Variants in KREMEN1 observed in about 807,000 individuals in gnomAD.
KREMEN1 encodes kringle containing transmembrane protein 1, also known as kremen protein 1.
KREMEN1 carries 30 observed loss-of-function variants against 46.5 expected under a neutral mutation model. The observed-to-expected ratio is 0.65, with a 90% CI of 0.48 to 0.88. The LOEUF is 0.88. Ranked by LOEUF, KREMEN1 falls within the 40% of genes least tolerant of loss-of-function variation. The pLI is 0.00. For missense variants in KREMEN1, 533 were observed against 596.9 expected (o/e 0.89, Z 1.11); for synonymous variants, 214 against 230.6 (o/e 0.93, Z 0.65).
chr22:29,113,226 A>G (rs942624701), intron 3 of KREMEN1, among the ~76,000 whole-genome samples: 1 of 152,236 alleles, frequency 6.6e-6, no homozygotes, highest in Non-Finnish European at 1.5e-5. Flanking sequence ...TAACCTTGTT[A>G]GACTGGTTTC....
At chr22:29,148,529 C>G (rs2038890008), downstream of KREMEN1, among the ~76,000 whole-genome samples, 1 of 151,838 alleles carries the variant, frequency 6.6e-6, no homozygotes, top group African/African-American at 2.4e-5. Context: ...TCTCTGCTCA[C>G]TGCAACCTCC....
chr22:29,120,717 T>C (rs573636129), intron 3 of KREMEN1, among the ~76,000 whole-genome samples: 1 of 105,922 alleles, frequency 9.4e-6, no homozygotes, highest in South Asian at 3.6e-4. Context: ...AGGCAAGGAA[T>C]GGATTCTCCC....
intron 3 of KREMEN1, chr22:29,099,182 A>G (rs941281360): frequency 2.3e-6 from 1 of 442,402 alleles, no homozygotes; most frequent in East Asian, 4.0e-5. Flanking sequence ...TTGATGGGTA[A>G]GCCCCATGAG....
chr22:29,080,938 G>A (rs144620099), intron 1 of KREMEN1, among the ~76,000 whole-genome samples: 2 of 45,820 alleles, frequency 4.4e-5, no homozygotes, highest in Admixed American at 1.8e-4. Context: ...TTATTTTTTT[G>A]TCCTTTTTTT....
intron 1 of KREMEN1, among the ~76,000 whole-genome samples, chr22:29,076,573 G>A (rs1014083362): frequency 1.3e-5 from 2 of 152,156 alleles, no homozygotes; most frequent in Non-Finnish European, 2.9e-5. Context: ...CTTTGAGGCC[G>A]GGCGCGGTGG....
chr22:29,074,092 C>G (rs1004064500), intron 1 of KREMEN1, among the ~76,000 whole-genome samples: 2 of 152,228 alleles, frequency 1.3e-5, no homozygotes, highest in African/African-American at 4.8e-5. Context: ...AGCCCCTTTT[C>G]CCGAGTCCTC....
chr22:29,144,559 C>T lies in KREMEN1; in HGVS notation c.*2447C>T. On this transcript the variant is annotated 3_prime_UTR_variant, in exon 9 of 9. Transcript: ENST00000400335. ...AGGAGGACCGCTGGAAACATACCAA[C>T]ACGTGCAGTCTCCCCTCCAAGCTAT... is the stretch of plus-strand genomic sequence containing the variant. 1.9e-5 allele frequency: 19 copies of T among 985,568 alleles called. No homozygotes were observed. The highest frequency in any genetic ancestry group is 2.2e-5 in the Non-Finnish European group (18 of 829,986). 61.1% of individuals were successfully genotyped at this position (985,568 alleles called of 1,614,324 possible). A position where few individuals can be genotyped will look rare whatever the true frequency, so the allele number is the denominator to read the frequency against.
intron 1 of KREMEN1, among the ~76,000 whole-genome samples, chr22:29,075,664 C>G (rs1240046542): frequency 6.6e-6 from 1 of 152,100 alleles, no homozygotes; most frequent in Non-Finnish European, 1.5e-5. Flanking sequence ...CTGTCTAGAT[C>G]CTACTCACTA....
intron 5 of KREMEN1, among the ~76,000 whole-genome samples, chr22:29,131,714 ATATG>A (rs1277139066): frequency 0.018 from 2,394 of 136,720 alleles, 138 homozygotes; most frequent in African/African-American, 0.067. Flanking sequence ...ATATATGTAT[ATATG>A]TATATATATG....
intron 3 of KREMEN1, 44 bp from the exon 4 acceptor site, chr22:29,121,313 C>A: frequency 6.2e-7 from 1 of 1,608,496 alleles, no homozygotes; most frequent in Non-Finnish European, 8.5e-7. Flanking sequence ...TGGTGTTTCA[C>A]AGCCAGATGT....
rs869186708 is a variant in KREMEN1 at position 29,120,196 on chromosome 22, GGGAGGAGGGAGAGGTGATGAAGGAAAT to G, written c.353-1134_353-1108del. 6.4e-3 allele frequency among the ~76,000 whole-genome samples: 793 copies of G among 124,454 alleles called. 11 individuals are homozygous for G. The highest frequency in any genetic ancestry group is 0.016 in the Middle Eastern group (3 of 192). 81.6% of individuals were successfully genotyped at this position (124,454 alleles called of 152,430 possible). On this transcript the variant is annotated intron_variant, in intron 3 of 8. Coordinates refer to ENST00000400335, the MANE Select transcript of KREMEN1 (RefSeq NM_001039570.3). Reference sequence around the variant, plus strand: ...GGAGGGAGAGGTGATGAAGGAAACAGGGAGGAGGGAGAGGTGATGAAGGAAATGGAGGAGGGAGAGGTGATGAAGGAA... The same window carrying G: ...GGAGGGAGAGGTGATGAAGGAAACAGGGAGGAGGGAGAGGTGATGAAGGAA...
At chr22:29,078,957 C>T (rs1169344049) in intron 1 of KREMEN1, among the ~76,000 whole-genome samples, 1 of 152,186 alleles carries the variant, frequency 6.6e-6, no homozygotes, top group Non-Finnish European at 1.5e-5. Context: ...CTTGAGAATC[C>T]AGCTGGAACC....
In KREMEN1 at chr22:29,073,240, G is replaced by A. The variant is rs2037501623; in HGVS notation, c.97+13G>A. 6.2e-6 allele frequency: 7 copies of A among 1,121,866 alleles called. No individual in the cohort carries two copies. The highest frequency in any genetic ancestry group is 1.6e-5 in the African/African-American group (1 of 60,818). The allele number at this position is 1,121,866 out of a possible 1,614,324, so 69.5% of individuals were successfully genotyped here. The stretch of plus-strand genomic sequence containing the variant: ...GGCCCCGGACCCGGTGAGTGTGAGC[G>A]ACCCCCCGCCGCCCGCCCTGAGCGG... On this transcript the variant is annotated intron_variant, in intron 1 of 8. Transcript: ENST00000400335. The surrounding 1 kb of genome is among the most constrained non-coding windows in gnomAD (Gnocchi z 4.4).
intron 1 of KREMEN1, among the ~76,000 whole-genome samples, chr22:29,092,553 A>T (rs1203098846): frequency 6.6e-6 from 1 of 152,226 alleles, no homozygotes; most frequent in African/African-American, 2.4e-5. Context: ...TGCGACACTG[A>T]ACTGCCTCCT....
At chr22:29,152,124 T>C (rs1362148834) in intron 9 of KREMEN1, among the ~76,000 whole-genome samples, 7 of 151,740 alleles carry the variant, frequency 4.6e-5, no homozygotes. Context: ...AAGGTGACAG[T>C]GAAGCAGGAA....
chr22:29,130,150 G>A (rs1278878153), intron 5 of KREMEN1, among the ~76,000 whole-genome samples: 1 of 152,224 alleles, frequency 6.6e-6, no homozygotes, highest in African/African-American at 2.4e-5. Flanking sequence ...TCACAGTACT[G>A]TGAAGCAGGT....
chr22:29,142,171 A>C lies in KREMEN1; in HGVS notation c.*59A>C. Reference sequence around the variant, plus strand: ...TTTGAGCTCAAGGCTGCCGTGGTCAACCTCTCCTGTGGTTCTTCTCTGACA... The same window carrying C: ...TTTGAGCTCAAGGCTGCCGTGGTCACCCTCTCCTGTGGTTCTTCTCTGACA... On this transcript the variant is annotated 3_prime_UTR_variant, in exon 9 of 9. Transcript: ENST00000400335. 4 of 1,474,826 alleles carry C rather than the reference A, an allele frequency of 2.7e-6. No homozygotes were observed. Among genetic ancestry groups the C allele is most frequent in the Non-Finnish European group, 2.7e-6 (3 of 1,112,558 alleles). 91.4% of individuals were successfully genotyped at this position (1,474,826 alleles called of 1,614,324 possible). A position where few individuals can be genotyped will look rare whatever the true frequency, so the allele number is the denominator to read the frequency against.
chr22:29,126,377 C>T (rs759077941), intron 5 of KREMEN1, among the ~76,000 whole-genome samples: 1 of 152,182 alleles, frequency 6.6e-6, no homozygotes, highest in Non-Finnish European at 1.5e-5. Flanking sequence ...CAGGGCTGTG[C>T]TCTCTCCAAA....
At chr22:29,110,367 T>C (rs768525862) in intron 3 of KREMEN1, among the ~76,000 whole-genome samples, 2 of 152,230 alleles carry the variant, frequency 1.3e-5, no homozygotes, top group Non-Finnish European at 2.9e-5. Context: ...CCACATTCTA[T>C]GGATCAAAGC....
Sources: gnomAD v4.1 joint callset for allele counts (sites outside exome capture counted in the v4.1 genomes callset) on GRCh38, gnomAD v4.1.1 for gene constraint, Gnocchi (gnomAD v3.1) non-coding constraint, MANE v1.5 for transcripts, NCBI Gene and HGNC (gene_info 2026-07-23, HGNC 2026-07-21) for gene names.